CSMD1: variants seen among roughly 807,000 people sequenced by gnomAD.
The protein encoded by CSMD1 is CUB and sushi domain-containing protein 1.
Under a neutral mutation model 417.5 loss-of-function variants are expected in CSMD1, and 213 were observed. The observed-to-expected ratio is 0.51, with a 90% CI of 0.46 to 0.57. The LOEUF (loss-of-function observed/expected upper bound fraction) is 0.57, where lower values mean the gene tolerates loss of function less well. Among genes scored for constraint, CSMD1 ranks in the 20% least tolerant of loss-of-function variants. The probability of loss-of-function intolerance (pLI) is 0.00; values close to 1 mark genes in which losing one functional copy is unlikely to be tolerated. For missense variants in CSMD1, 6,923 were observed against 4,529.7 expected (o/e 1.53, Z -15.17); for synonymous variants, 2,862 against 1,736.8 (o/e 1.65, Z -16.11).
intron 2 of CSMD1, among the ~76,000 whole-genome samples, chr8:4,505,661 T>C (rs1372838255): frequency 1.3e-5 from 2 of 152,164 alleles, no homozygotes; most frequent in Admixed American, 6.5e-5. Context: ...CCAGTGTCCA[T>C]GTTGCTCCAG....
intron 5 of CSMD1, among the ~76,000 whole-genome samples, chr8:3,899,050 T>C (rs377691936): frequency 6.6e-5 from 10 of 152,052 alleles, no homozygotes; most frequent in Non-Finnish European, 1.0e-4. Context: ...AAGAAAACAA[T>C]TGAGGTCAAT....
At chr8:3,198,560 T>C (rs1172326720) in intron 33 of CSMD1, among the ~76,000 whole-genome samples, 1 of 152,218 alleles carries the variant, frequency 6.6e-6, no homozygotes, top group Non-Finnish European at 1.5e-5. Flanking sequence ...AATGGCTACT[T>C]ACACAGGATC....
At chr8:4,814,195 T>TG (rs575402435) in intron 1 of CSMD1, among the ~76,000 whole-genome samples, 79 of 148,164 alleles carry the variant, frequency 5.3e-4, no homozygotes, top group African/African-American at 1.9e-3. Context: ...TCAGAATGAT[T>TG]TTGTGTGTGT....
At chr8:3,208,250 A>T (rs893424223) in intron 30 of CSMD1, among the ~76,000 whole-genome samples, 1 of 152,192 alleles carries the variant, frequency 6.6e-6, no homozygotes, top group Non-Finnish European at 1.5e-5. Context: ...TTTGATTCCC[A>T]AATTATTAGC....
intron 10 of CSMD1, among the ~76,000 whole-genome samples, chr8:3,510,283 C>T (rs1283824634): frequency 6.6e-6 from 1 of 151,898 alleles, no homozygotes; most frequent in Admixed American, 6.5e-5. Flanking sequence ...AGGCTTCTCA[C>T]TCCACATGGC....
chr8:3,251,768 G>T (rs1800284741), intron 26 of CSMD1, among the ~76,000 whole-genome samples: 1 of 152,154 alleles, frequency 6.6e-6, no homozygotes, highest in East Asian at 1.9e-4. Context: ...TCTCCTTGAA[G>T]AGGTCCTTCA....
chr8:3,532,256 G>C (rs1384049131), intron 10 of CSMD1, among the ~76,000 whole-genome samples: 1 of 152,142 alleles, frequency 6.6e-6, no homozygotes, highest in Non-Finnish European at 1.5e-5. Context: ...TGTCAAGCCA[G>C]ACAATGAGGC....
intron 5 of CSMD1, among the ~76,000 whole-genome samples, chr8:3,919,096 G>A (rs906010413): frequency 6.8e-6 from 1 of 146,122 alleles, no homozygotes; most frequent in Non-Finnish European, 1.5e-5. Context: ...TCATTTTGCA[G>A]ATTGTTTCTT....
At chr8:3,552,957 T>G (rs1158981445) in intron 10 of CSMD1, among the ~76,000 whole-genome samples, 1 of 152,146 alleles carries the variant, frequency 6.6e-6, no homozygotes, top group Non-Finnish European at 1.5e-5. Flanking sequence ...CAGAGAAGAT[T>G]TATATTTCAG....
At chr8:4,535,606 T>G (rs748855897) in intron 2 of CSMD1, among the ~76,000 whole-genome samples, 1 of 152,240 alleles carries the variant, frequency 6.6e-6, no homozygotes, top group Non-Finnish European at 1.5e-5. Context: ...ATCTCTGTTC[T>G]GTGAAATTAT....
chr8:4,243,550 C>G (rs1451653528), intron 3 of CSMD1, among the ~76,000 whole-genome samples: 3 of 152,046 alleles, frequency 2.0e-5, no homozygotes, highest in East Asian at 1.9e-4. Context: ...GGAAATTACC[C>G]CTAAGCAAGC....
chr8:3,010,728 C>T (rs1339961030), intron 52 of CSMD1, among the ~76,000 whole-genome samples: 1 of 151,962 alleles, frequency 6.6e-6, no homozygotes, highest in Admixed American at 6.6e-5. Context: ...TTCCCTTTTG[C>T]CATTATTCTA....
intron 8 of CSMD1, among the ~76,000 whole-genome samples, chr8:3,609,722 T>C (rs1273996511): frequency 8.6e-6 from 1 of 116,092 alleles, no homozygotes; most frequent in Non-Finnish European, 1.9e-5. Context: ...AGTCATTAGT[T>C]TTGATTATAA....
rs560586990 is a variant in CSMD1, at chr8:3,912,860, G to A, written c.818+85043C>T. ...TTCTGTTGAGAGTTCTGGAGGGGGC[G>A]TAGTAGTGATGGTGATGTAAGAGTG... On this transcript the variant is annotated intron_variant, in intron 5 of 69. Coordinates refer to ENST00000635120, the MANE Select transcript of CSMD1 (RefSeq NM_033225.6). Among the ~76,000 whole-genome samples, 4 of 152,288 alleles carry A rather than the reference G, an allele frequency of 2.6e-5. 1 individual carries two copies. The highest frequency in any genetic ancestry group is 7.2e-5 in the African/African-American group (3 of 41,556).
chr8:4,415,151 G>T (rs1796862749), intron 3 of CSMD1, among the ~76,000 whole-genome samples: 1 of 152,026 alleles, frequency 6.6e-6, no homozygotes, highest in African/African-American at 2.4e-5. Context: ...CTTCAGATAG[G>T]GCAGAAAGGC....
chr8:4,456,892 G>A (rs1465926967), intron 2 of CSMD1, among the ~76,000 whole-genome samples: 1 of 150,442 alleles, frequency 6.6e-6, no homozygotes, highest in Non-Finnish European at 1.5e-5. Flanking sequence ...GAACACACCC[G>A]TATTTGAAGC....
rs1268081822 is a variant in CSMD1, at chr8:3,408,050, G to C, written c.1920C>G (p.Val640=). 5 of 1,613,760 alleles carry C rather than the reference G, an allele frequency of 3.1e-6. No individual in the cohort carries two copies. Among genetic ancestry groups the C allele is most frequent in the African/African-American group, 1.3e-5 (1 of 74,870 alleles). The part of the protein sequence containing the change: ...DVEPQFDFLA[V]KDDGISDITV... Reference sequence around the variant, plus strand: ...TTATGTCAGAAATGCCATCATCCTTGACCGCGAGAAAGTCAAACTGAGGCT... The same window carrying C: ...TTATGTCAGAAATGCCATCATCCTTCACCGCGAGAAAGTCAAACTGAGGCT... Residue 640 remains valine (V), a synonymous_variant, in exon 14 of 70, where the codon GTC becomes GTG. Coordinates refer to ENST00000635120, the MANE Select transcript of CSMD1 (RefSeq NM_033225.6).
chr8:3,685,998 T>C (rs1299954437), intron 7 of CSMD1, among the ~76,000 whole-genome samples: 1 of 152,128 alleles, frequency 6.6e-6, no homozygotes, highest in African/African-American at 2.4e-5. Context: ...AAATATATTA[T>C]TCTTTCTTTC....
At chr8:3,438,600 T>C (rs143136009) in intron 12 of CSMD1, among the ~76,000 whole-genome samples, 18 of 152,282 alleles carry the variant, frequency 1.2e-4, no homozygotes, top group African/African-American at 4.1e-4. Flanking sequence ...TATTGCTGAG[T>C]GGGATTTCAT....
Sources: gnomAD v4.1 joint callset for allele counts (sites outside exome capture counted in the v4.1 genomes callset) on GRCh38, gnomAD v4.1.1 for gene constraint, MANE v1.5 for transcripts, NCBI Gene and HGNC (gene_info 2026-07-23, HGNC 2026-07-21) for gene names.